Variants in PRRC2C observed in about 807,000 individuals in gnomAD.
The protein encoded by PRRC2C is proline rich coiled-coil 2C.
In PRRC2C, 72 loss-of-function variants were observed where a neutral mutation model predicts 317.2. The ratio of observed to expected loss-of-function variants is 0.23; its 90% confidence interval spans 0.19 to 0.28. PRRC2C has a LOEUF of 0.28. PRRC2C is among the 10% of genes least tolerant of loss of function. The pLI, the probability that PRRC2C is intolerant of heterozygous loss-of-function variation, is 1.00. For synonymous variants in PRRC2C, 1,296 were observed against 1,205.9 expected, an observed-to-expected ratio of 1.07 and a Z score of -1.55; for missense variants, 3,074 against 3,459.7, an observed-to-expected ratio of 0.89 and a Z score of 2.80.
At position 171,540,916 on chromosome 1, in the gene PRRC2C, A is replaced by T; in HGVS notation, c.3450A>T (p.Ile1150=). 6.2e-7 allele frequency: 1 copy of T among 1,613,906 alleles called. No individual in the cohort carries two copies. Among genetic ancestry groups the T allele is most frequent in the Non-Finnish European group, 8.5e-7 (1 of 1,179,834 alleles). The change falls in exon 16 of 35, where the codon ATA becomes ATT. Residue 1150 remains isoleucine (I), a synonymous_variant. Coordinates refer to ENST00000647382, the MANE Select transcript of PRRC2C (RefSeq NM_001387844.1). ...AAGTCATCAGCAAAGACCTTGTTATAGAGAGGCCTCGACCAGATTCAAGAC... is the reference window on the plus strand; with the variant it reads ...AAGTCATCAGCAAAGACCTTGTTATTGAGAGGCCTCGACCAGATTCAAGAC... ...PEKVISKDLV[I]ERPRPDSRPA... is the part of the protein sequence containing the mutation.
chr1:171,513,294 C>A, intron 3 of PRRC2C, 122 bp downstream of exon 3: 1 of 1,079,942 alleles, frequency 9.3e-7, no homozygotes, highest in Non-Finnish European at 1.3e-6. Context: ...ATTTTATACT[C>A]TTTAAAGTCT....
At chr1:171,564,508 A>G (rs1683268695) in intron 20 of PRRC2C, among the ~76,000 whole-genome samples, 2 of 152,216 alleles carry the variant, frequency 1.3e-5, no homozygotes, top group African/African-American at 2.4e-5. Flanking sequence ...GAATTTCAAC[A>G]TTGACTAAAG....
chr1:171,582,737 AC>A (rs993866029), intron 28 of PRRC2C, among the ~76,000 whole-genome samples: 3 of 152,098 alleles, frequency 2.0e-5, no homozygotes, highest in Non-Finnish European at 2.9e-5. Context: ...TAGAGCACTT[AC>A]CATGAATGGA....
At chr1:171,492,317 C>A (rs753377185) in intron 1 of PRRC2C, among the ~76,000 whole-genome samples, 3 of 152,016 alleles carry the variant, frequency 2.0e-5, no homozygotes, top group Non-Finnish European at 4.4e-5. Context: ...GATTTGTTTT[C>A]TGATTAGAAA....
chr1:171,508,541 A>G (rs1436230587), intron 1 of PRRC2C, among the ~76,000 whole-genome samples: 1 of 152,216 alleles, frequency 6.6e-6, no homozygotes, highest in Non-Finnish European at 1.5e-5. Context: ...GATTTTAAGT[A>G]GGGAAGTTAA....
At chr1:171,577,317 A>G (rs1473172410) in intron 25 of PRRC2C, 117 bp from the exon 26 acceptor site, 2 of 825,688 alleles carry the variant, frequency 2.4e-6, no homozygotes, top group South Asian at 1.7e-5. Flanking sequence ...CTGAAGCAGT[A>G]TATAAGTACG....
chr1:171,546,909 C>T (rs376788854), intron 17 of PRRC2C, among the ~76,000 whole-genome samples: 3 of 151,722 alleles, frequency 2.0e-5, no homozygotes, highest in South Asian at 2.1e-4. Flanking sequence ...TGAGCCACCA[C>T]GCCCAGCCAT....
At position 171,577,445 on chromosome 1, in the gene PRRC2C, T is replaced by A; in HGVS notation, c.6967T>A (p.Tyr2323Asn). Reference protein sequence around the residue: ...PTASLSGAGTYTTSSLSTKST... With the variant: ...PTASLSGAGTNTTSSLSTKST... Reference sequence around the variant, plus strand: ...TTCCCCAAATATAGGAGCTGGTACATACACTACCTCTTCTTTGAGCACAAA... The same window carrying A: ...TTCCCCAAATATAGGAGCTGGTACAAACACTACCTCTTCTTTGAGCACAAA... Residue 2323 changes from tyrosine to asparagine, a missense_variant, in exon 26 of 35, where the codon TAC becomes AAC. Tyr to Asn is a moderately radical substitution (Grantham distance 143). Coordinates refer to ENST00000647382, the MANE Select transcript of PRRC2C (RefSeq NM_001387844.1). The A allele has an allele frequency of 6.2e-7, 1 of 1,606,136 alleles. No individual in the cohort carries two copies.
At chr1:171,524,989 T>C in intron 10 of PRRC2C, 24 bp downstream of exon 10, 5 of 1,547,000 alleles carry the variant, frequency 3.2e-6, no homozygotes, top group African/African-American at 1.4e-5. Flanking sequence ...ATGGAGATCC[T>C]TGTTATTGCA....
intron 29 of PRRC2C, 25 bp from the exon 30 acceptor site, chr1:171,584,394 T>C (rs1246920117): frequency 2.0e-6 from 3 of 1,528,990 alleles, no homozygotes; most frequent in South Asian, 1.3e-5. Flanking sequence ...GTCTTACTCA[T>C]GTTTTCTTAA....
chr1:171,557,774 C>G lies in PRRC2C; in HGVS notation c.5662C>G (p.Pro1888Ala). The G allele has an allele frequency of 1.3e-6, 2 of 1,550,812 alleles. No individual in the cohort carries two copies. Among genetic ancestry groups the G allele is most frequent in the Non-Finnish European group, 1.7e-6 (2 of 1,146,516 alleles). Residue 1888 changes from proline to alanine, a missense_variant, in exon 19 of 35, where the codon CCA (proline) becomes GCA (alanine). Physicochemically the swap from Pro to Ala is conservative, Grantham distance 27. Coordinates refer to ENST00000647382, the MANE Select transcript of PRRC2C (RefSeq NM_001387844.1). ...CCCAGCAGCCTCTTCCCCAGCTGCC[C>G]CAGTCATCACAGCACCAACTATCCC... ...PAPAASSPAA[P>A]VITAPTIPAS...
chr1:171,561,144 C>T (rs957184791), intron 20 of PRRC2C, 41 bp downstream of exon 20: 6 of 1,509,464 alleles, frequency 4.0e-6, no homozygotes, highest in Admixed American at 1.7e-5. Context: ...GCTGGATTTT[C>T]CCTAATACTT....
chr1:171,503,014 G>A (rs971338250), intron 1 of PRRC2C, among the ~76,000 whole-genome samples: 2 of 152,082 alleles, frequency 1.3e-5, no homozygotes, highest in Non-Finnish European at 1.5e-5. Flanking sequence ...GAGCCACCGC[G>A]CCAAGCCGAC....
intron 24 of PRRC2C, among the ~76,000 whole-genome samples, chr1:171,572,909 ATTTCT>A (rs920347176): frequency 6.6e-6 from 1 of 152,198 alleles, no homozygotes; most frequent in Non-Finnish European, 1.5e-5. Flanking sequence ...AAAACCTCTG[ATTTCT>A]TTATTTTTAC....
At chr1:171,498,408 T>A (rs1668500743) in intron 1 of PRRC2C, among the ~76,000 whole-genome samples, 1 of 152,158 alleles carries the variant, frequency 6.6e-6, no homozygotes. Flanking sequence ...GCTAGTTCCC[T>A]CCAGCCCTTT....
At chr1:171,502,788 A>G (rs1172632530) in intron 1 of PRRC2C, among the ~76,000 whole-genome samples, 1 of 152,168 alleles carries the variant, frequency 6.6e-6, no homozygotes, top group African/African-American at 2.4e-5. Flanking sequence ...CAAAGGCTCG[A>G]TCTTGGCTCA....
chr1:171,545,122 T>A (rs1678820356), intron 16 of PRRC2C, among the ~76,000 whole-genome samples: 1 of 152,224 alleles, frequency 6.6e-6, no homozygotes, highest in South Asian at 2.1e-4. Context: ...TTGGAGAGCA[T>A]CCATTTGTGA....
In PRRC2C at chr1:171,561,097, A is replaced by T. The variant is rs188025748; in HGVS notation, c.6111A>T (p.Ser2037=). 1.9e-6 allele frequency: 3 copies of T among 1,588,358 alleles called. No individual in the cohort carries two copies. The highest frequency in any genetic ancestry group is 1.7e-5 in the Admixed American group (1 of 59,986). ...KPLTSFGSAP[S]SEGAKNGQES... ...TAACATCGTTTGGATCAGCTCCTTC[A>T]TCAGAGGTAAGAATAGGCTTTTAAC... Residue 2037 remains serine (S), a synonymous_variant, in exon 20 of 35, where the codon TCA becomes TCT. Transcript: ENST00000647382.
chr1:171,495,852 C>T (rs1310873178), intron 1 of PRRC2C, among the ~76,000 whole-genome samples: 1 of 152,122 alleles, frequency 6.6e-6, no homozygotes, highest in African/African-American at 2.4e-5. Flanking sequence ...GACTGGATGG[C>T]TTAAAAAACA....
Sources: allele counts gnomAD v4.1 joint callset (sites outside exome capture counted in the v4.1 genomes callset), GRCh38; gene constraint gnomAD v4.1.1; transcripts MANE v1.5; gene names NCBI Gene and HGNC (gene_info 2026-07-23, HGNC 2026-07-21).